The following AGO3 variants were observed in gnomAD, a reference collection of about 807,000 sequenced individuals.
AGO3 encodes the protein protein argonaute-3.
Under a neutral mutation model 105.5 loss-of-function variants are expected in AGO3, and 16 were observed. The observed-to-expected ratio is 0.15, with a 90% confidence interval of 0.10 to 0.23. The LOEUF (loss-of-function observed/expected upper bound fraction) is 0.23. Among genes scored for constraint, AGO3 ranks in the 10% least tolerant of loss-of-function variants. AGO3 has a pLI of 1.00. For synonymous variants in AGO3, 340 were observed against 367.3 expected (o/e 0.93, Z 0.85); for missense variants, 534 against 1,088.0 (o/e 0.49, Z 7.16).
At chr1:35,939,820 A>C (rs997055982) in intron 1 of AGO3, among the ~76,000 whole-genome samples, 2 of 152,024 alleles carry the variant, frequency 1.3e-5, no homozygotes, top group African/African-American at 4.8e-5. Context: ...TATTGTACCC[A>C]CCACCCAAAC....
intron 5 of AGO3, among the ~76,000 whole-genome samples, chr1:35,975,785 A>G (rs961898767): frequency 6.6e-6 from 1 of 152,160 alleles, no homozygotes; most frequent in East Asian, 1.9e-4. Flanking sequence ...TATTAGATTT[A>G]TAAATTAAGT....
At chr1:35,959,716 T>C (rs540099700) in intron 2 of AGO3, among the ~76,000 whole-genome samples, 2 of 152,282 alleles carry the variant, frequency 1.3e-5, no homozygotes, top group African/African-American at 4.8e-5. Flanking sequence ...TCATAAAATA[T>C]AGAGGAAACT....
intron 5 of AGO3, among the ~76,000 whole-genome samples, chr1:35,976,135 A>G (rs968009430): frequency 1.3e-5 from 2 of 151,860 alleles, no homozygotes; most frequent in Admixed American, 1.3e-4. Flanking sequence ...GGGTTTCACC[A>G]TGTTGGTCAG....
intron 6 of AGO3, among the ~76,000 whole-genome samples, chr1:36,006,787 C>A (rs1640355897): frequency 6.6e-6 from 1 of 152,136 alleles, no homozygotes; most frequent in Non-Finnish European, 1.5e-5. Context: ...CAAAGAAAAA[C>A]AAACCCATAC....
At chr1:35,932,468 A>G (rs1401462989) in intron 1 of AGO3, among the ~76,000 whole-genome samples, 1 of 152,326 alleles carries the variant, frequency 6.6e-6, no homozygotes, top group Non-Finnish European at 1.5e-5. Flanking sequence ...ACATAACGAT[A>G]GCTAAGAACT....
At chr1:35,948,568 G>A (rs2148752574) in intron 2 of AGO3, among the ~76,000 whole-genome samples, 1 of 149,256 alleles carries the variant, frequency 6.7e-6, no homozygotes, top group South Asian at 2.1e-4. Context: ...TCTTTCTCCT[G>A]CCTAACATTT....
At chr1:36,013,849 G>A in intron 10 of AGO3, 66 bp from the exon 11 acceptor site, 1 of 1,602,396 alleles carries the variant, frequency 6.2e-7, no homozygotes, top group Non-Finnish European at 8.5e-7. Context: ...GATTTGAAAT[G>A]TTTACTTTCT....
chr1:35,994,042 A>ATTTTTTTTTTT (rs759085356), intron 5 of AGO3, among the ~76,000 whole-genome samples: 3 of 65,840 alleles, frequency 4.6e-5, no homozygotes, highest in African/African-American at 2.1e-4. Context: ...CTGCGCCCAG[A>ATTTTTTTTTTT]TTTTTTTTTT....
At chr1:35,961,685 G>A (rs1165393725) in intron 2 of AGO3, among the ~76,000 whole-genome samples, 3 of 151,926 alleles carry the variant, frequency 2.0e-5, no homozygotes, top group Non-Finnish European at 4.4e-5. Flanking sequence ...AATTTTTAGG[G>A]TCTTAAATTT....
At chr1:35,971,350 G>T (rs1646867437) in intron 3 of AGO3, among the ~76,000 whole-genome samples, 1 of 150,506 alleles carries the variant, frequency 6.6e-6, no homozygotes, top group Admixed American at 6.6e-5. Context: ...GTAGAGACAG[G>T]GTTTCACCAT....
Position 36,070,996 on chromosome 1 carries a change from T to C in AGO3, c.*15251T>C, listed in dbSNP as rs368339091. 9 of 152,302 alleles carry C rather than the reference T, an allele frequency of 5.9e-5. No homozygotes were observed. Among genetic ancestry groups the C allele is most frequent in the African/African-American group, 1.9e-4 (8 of 41,570 alleles). 9.4% of individuals were successfully genotyped at this position (152,302 alleles called of 1,614,324 possible). A position where few individuals can be genotyped will look rare whatever the true frequency, so the allele number is the denominator to read the frequency against. ...GTGTGTCTATATCAATATTTTATGT[T>C]TATAACTCTGCGTATTAAGTTTATA... On this transcript the variant is annotated 3_prime_UTR_variant, in exon 19 of 19. Coordinates refer to ENST00000373191, the MANE Select transcript of AGO3 (RefSeq NM_024852.4).
chr1:36,040,932 G>A (rs577245069), intron 16 of AGO3, among the ~76,000 whole-genome samples: 1 of 151,846 alleles, frequency 6.6e-6, no homozygotes, highest in South Asian at 2.1e-4. Context: ...AAATAGCCAG[G>A]TGTGGTGGCG....
intron 2 of AGO3, 67 bp downstream of exon 2, chr1:35,945,930 T>C: frequency 6.8e-7 from 1 of 1,461,528 alleles, no homozygotes; most frequent in Non-Finnish European, 9.4e-7. Context: ...ATGTTTATTT[T>C]GTATATCTGA....
At chr1:36,026,317 A>G (rs1008455968) in intron 11 of AGO3, among the ~76,000 whole-genome samples, 2 of 152,134 alleles carry the variant, frequency 1.3e-5, no homozygotes, top group Non-Finnish European at 2.9e-5. Context: ...CATGTTGGCC[A>G]AGCTGGTCTC....
At chr1:36,029,259 C>G (rs909024715) in intron 12 of AGO3, among the ~76,000 whole-genome samples, 1 of 151,552 alleles carries the variant, frequency 6.6e-6, no homozygotes, top group Non-Finnish European at 1.5e-5. Context: ...TAGAAAAATA[C>G]AAAGAAAATA....
At chr1:35,972,525 A>G (rs1455816643) in intron 4 of AGO3, among the ~76,000 whole-genome samples, 2 of 152,188 alleles carry the variant, frequency 1.3e-5, no homozygotes, top group Non-Finnish European at 2.9e-5. Flanking sequence ...TTTCAGATGT[A>G]TTTATTTAGT....
chr1:35,987,522 T>G (rs1190681883), intron 5 of AGO3, among the ~76,000 whole-genome samples: 1 of 151,852 alleles, frequency 6.6e-6, no homozygotes, highest in African/African-American at 2.4e-5. Flanking sequence ...ATGTTATTAT[T>G]TATATAAACT....
intron 2 of AGO3, among the ~76,000 whole-genome samples, chr1:35,957,983 TCA>T (rs1480058499): frequency 3.3e-5 from 5 of 152,106 alleles, no homozygotes; most frequent in Non-Finnish European, 5.9e-5. Context: ...AGAGGATTGC[TCA>T]CTTCAGGAGT....
At chr1:35,991,764 GT>G (rs1189993863) in intron 5 of AGO3, among the ~76,000 whole-genome samples, 1 of 151,858 alleles carries the variant, frequency 6.6e-6, no homozygotes, top group African/African-American at 2.4e-5. Context: ...TGCTATTCTT[GT>G]TTCACAGATG....
Sources: gnomAD v4.1 joint callset for allele counts (sites outside exome capture counted in the v4.1 genomes callset) on GRCh38, gnomAD v4.1.1 for gene constraint, MANE v1.5 for transcripts, NCBI Gene and HGNC (gene_info 2026-07-23, HGNC 2026-07-21) for gene names.